The following KDM4B variants were observed in gnomAD, a reference collection of about 807,000 sequenced individuals.
The protein encoded by KDM4B is lysine-specific demethylase 4B.
KDM4B carries 32 observed loss-of-function variants against 125.2 expected under a neutral mutation model. The observed-to-expected ratio is 0.26, with a 90% confidence interval of 0.19 to 0.34. KDM4B has a LOEUF of 0.34. Among genes scored for constraint, KDM4B ranks in the 10% least tolerant of loss-of-function variants. The pLI is 1.00. For missense variants in KDM4B, 1,190 were observed against 1,577.7 expected, an observed-to-expected ratio of 0.75 and a Z score of 4.16; for synonymous variants, 721 against 677.9, an observed-to-expected ratio of 1.06 and a Z score of -0.99.
rs377163136 is a variant in KDM4B, at chr19:5,101,440, T to C, written c.919-9182T>C. Among the ~76,000 whole-genome samples the C allele has an allele frequency of 1.6e-4, 24 of 151,790 alleles. No individual in the cohort carries two copies. The South Asian group carries it at 3.5e-3, about 22-fold the overall frequency. ...TGGGAGGCTGAGGCAGGAGGATTGCTTGAGCCCAGGACTTCGGGGTCGGCA... is the reference window on the plus strand; with the variant it reads ...TGGGAGGCTGAGGCAGGAGGATTGCCTGAGCCCAGGACTTCGGGGTCGGCA... On this transcript the variant is annotated intron_variant, in intron 9 of 22. Transcript: ENST00000159111.
intron 1 of KDM4B, among the ~76,000 whole-genome samples, chr19:4,996,097 C>T (rs1236341297): frequency 6.6e-6 from 1 of 152,184 alleles, no homozygotes; most frequent in Non-Finnish European, 1.5e-5. Context: ...TCAAGTGATT[C>T]TCCTGCCTCA....
At position 5,135,335 on chromosome 19, in the gene KDM4B, A is replaced by C. The variant is rs781199882; in HGVS notation, c.2086-4A>C. 1 of 1,600,930 alleles carries C rather than the reference A, an allele frequency of 6.2e-7. No individual in the cohort carries two copies. The highest frequency in any genetic ancestry group is 8.6e-7 in the Non-Finnish European group (1 of 1,169,122). On this transcript the variant is annotated splice_region_variant and splice_polypyrimidine_tract_variant and intron_variant, in intron 14 of 22. Transcript: ENST00000159111. The stretch of plus-strand genomic sequence containing the variant: ...GTCCCCTGAAGGTCGCCTCTCCCCT[A>C]CAGGCCCTACAGACTGAGAAGGAGG...
rs991097335 is a variant in KDM4B at position 4,971,326 on chromosome 19, T to C, written c.-109+2096T>C. On this transcript the variant is annotated intron_variant, in intron 1 of 22. Transcript: ENST00000159111. The surrounding 1 kb of genome is among the most constrained non-coding windows in gnomAD (Gnocchi z 4.1). ...CCTGTCTTCAGTCCCTGTCCCGTCC[T>C]GCAGGAGCCCTCTGGGGTGGCCAGG... Among the ~76,000 whole-genome samples, 1 of 152,160 alleles carries C rather than the reference T, an allele frequency of 6.6e-6. No homozygotes were observed. Among genetic ancestry groups the C allele is most frequent in the Non-Finnish European group, 1.5e-5 (1 of 68,022 alleles).
intron 7 of KDM4B, among the ~76,000 whole-genome samples, chr19:5,073,929 G>A (rs1177801590): frequency 1.3e-5 from 2 of 152,168 alleles, no homozygotes; most frequent in Admixed American, 6.5e-5. Context: ...CCAGCCTCAG[G>A]AACATAGTGA....
At chr19:5,126,406 C>A (rs934908488) in intron 11 of KDM4B, among the ~76,000 whole-genome samples, 1 of 152,158 alleles carries the variant, frequency 6.6e-6, no homozygotes, top group South Asian at 2.1e-4. Flanking sequence ...CCTGAGCCTC[C>A]GGGGAGGCCC....
rs2039972089 is a variant in KDM4B at position 5,152,906 on chromosome 19, TGTG to T, written c.*1402_*1404del. On this transcript the variant is annotated 3_prime_UTR_variant, in exon 23 of 23. Coordinates refer to ENST00000159111, the MANE Select transcript of KDM4B (RefSeq NM_015015.3). ...ACAAATTTTTTACAAATTAGCTAGG[TGTG>T]GTGGTGCGCACCTGTGGTCCCAGCT... 1.3e-5 allele frequency: 2 copies of T among 152,150 alleles called. No individual in the cohort carries two copies. Among genetic ancestry groups the T allele is most frequent in the South Asian group, 2.1e-4 (1 of 4,836 alleles). The allele number at this position is 152,150 out of a possible 1,614,324, so 9.4% of individuals were successfully genotyped here.
chr19:5,033,160 TC>T, intron 3 of KDM4B, 129 bp downstream of exon 3: 1 of 1,072,078 alleles, frequency 9.3e-7, no homozygotes, highest in Non-Finnish European at 1.4e-6. Flanking sequence ...TCGGGGCCAC[TC>T]CCAGCTCGTT....
At chr19:5,077,624 A>G (rs977698897) in intron 8 of KDM4B, 154 bp downstream of exon 8, 2 of 624,576 alleles carry the variant, frequency 3.2e-6, no homozygotes, top group African/African-American at 1.8e-5. Context: ...ATGGCTCAGC[A>G]GTTAGCCTCC....
chr19:5,028,293 T>C (rs2036344990), intron 2 of KDM4B, among the ~76,000 whole-genome samples: 2 of 152,178 alleles, frequency 1.3e-5, no homozygotes, highest in African/African-American at 4.8e-5. Context: ...GTGGAGAACA[T>C]TGGCATCCCC....
Position 5,012,298 on chromosome 19 carries a change from T to C in KDM4B, c.-108-3959T>C, listed in dbSNP as rs536074450. 1.4e-4 allele frequency among the ~76,000 whole-genome samples: 21 copies of C among 152,356 alleles called. No homozygotes were observed. The East Asian group carries it at 3.5e-3, about 25-fold the overall frequency. On this transcript the variant is annotated intron_variant, in intron 1 of 22. Coordinates refer to ENST00000159111, the MANE Select transcript of KDM4B (RefSeq NM_015015.3). Reference sequence around the variant, plus strand: ...GGTAGTGAGAGTTCCCGTCTCTGCCTGCCACCCCCCACCCGTTTTCCTTGT... The same window carrying C: ...GGTAGTGAGAGTTCCCGTCTCTGCCCGCCACCCCCCACCCGTTTTCCTTGT...
intron 1 of KDM4B, among the ~76,000 whole-genome samples, chr19:4,980,421 CTTTTTTTTTTTTT>C (rs572345837): frequency 9.1e-6 from 1 of 109,730 alleles, no homozygotes; most frequent in African/African-American, 3.6e-5. Context: ...CCTTTTCTTT[CTTTTTTTTTTTTT>C]TTTTTTTGAG....
At chr19:5,089,303 CAT>C (rs2038612275) in intron 9 of KDM4B, among the ~76,000 whole-genome samples, 2 of 152,220 alleles carry the variant, frequency 1.3e-5, no homozygotes, top group South Asian at 2.1e-4. Context: ...ATGGGTTACA[CAT>C]GTGTCTCCTG....
chr19:5,038,185 G>A (rs551035152), intron 3 of KDM4B, among the ~76,000 whole-genome samples: 39 of 152,346 alleles, frequency 2.6e-4, no homozygotes, highest in African/African-American at 9.1e-4. Flanking sequence ...GGAAGGAGGC[G>A]TGGGGCCTGC....
intron 1 of KDM4B, among the ~76,000 whole-genome samples, chr19:4,974,901 C>T (rs2034392456): frequency 6.6e-6 from 1 of 152,000 alleles, no homozygotes; most frequent in Non-Finnish European, 1.5e-5. Context: ...GTGGCCTTGT[C>T]CTTCCTTCCT....
intron 9 of KDM4B, among the ~76,000 whole-genome samples, chr19:5,083,170 G>A (rs1040536179): frequency 1.3e-5 from 2 of 152,206 alleles, no homozygotes; most frequent in Non-Finnish European, 2.9e-5. Context: ...AGCAATTGGC[G>A]TCTGAACTGA....
At chr19:5,106,928 C>T (rs187334004) in intron 9 of KDM4B, among the ~76,000 whole-genome samples, 90 of 152,340 alleles carry the variant, frequency 5.9e-4, no homozygotes, top group Non-Finnish European at 1.1e-3. Flanking sequence ...AGATGAGAGG[C>T]TGACCCCAAG....
rs1172693889 is a variant in KDM4B at position 5,144,957 on chromosome 19, TG to T, written c.3021+56del. 9.3e-6 allele frequency: 15 copies of T among 1,608,446 alleles called. No homozygotes were observed. The Admixed American group carries it at 2.5e-4, about 27-fold the overall frequency. On this transcript the variant is annotated intron_variant, in intron 21 of 22. Transcript: ENST00000159111. ...GCCTTCACCAAGCTCTTCTTGTAGG[TG>T]CGGGGACAGGAGGATCACACCCCTG...
Position 5,152,617 on chromosome 19 carries a change from C to T in KDM4B, c.*1106C>T, listed in dbSNP as rs551806499. On this transcript the variant is annotated 3_prime_UTR_variant, in exon 23 of 23. Transcript: ENST00000159111. ...CTGGTGTCCTCGCTCCACCCACCCA[C>T]GCTGCTGTCACCTGAGGGGAATCTG... The T allele has an allele frequency of 2.6e-5, 4 of 152,214 alleles. No individual in the cohort carries two copies. Among genetic ancestry groups the T allele is most frequent in the South Asian group, 2.1e-4 (1 of 4,832 alleles). 9.4% of individuals were successfully genotyped at this position (152,214 alleles called of 1,614,324 possible).
intron 2 of KDM4B, among the ~76,000 whole-genome samples, chr19:5,027,803 A>G (rs1222320777): frequency 6.6e-6 from 1 of 152,160 alleles, no homozygotes; most frequent in African/African-American, 2.4e-5. Flanking sequence ...GGCCTCACAA[A>G]GTGCTGGGAT....
Sources: allele counts gnomAD v4.1 joint callset (sites outside exome capture counted in the v4.1 genomes callset), GRCh38; gene constraint gnomAD v4.1.1; non-coding constraint Gnocchi (gnomAD v3.1); transcripts MANE v1.5; gene names NCBI Gene and HGNC (gene_info 2026-07-23, HGNC 2026-07-21).